SPMIP2: variants seen among roughly 807,000 people sequenced by gnomAD.
The protein encoded by SPMIP2 is protein SPMIP2.
At chr4:159,073,081 T>A in the SPMIP2 span, among the ~76,000 whole-genome samples, 1 of 152,238 alleles carries the variant, frequency 6.6e-6, no homozygotes, top group Non-Finnish European at 1.5e-5. Context: ...TGTGCTTTTT[T>A]GAATCCACAC....
the SPMIP2 span, among the ~76,000 whole-genome samples, chr4:159,063,297 G>C: frequency 6.6e-6 from 1 of 152,118 alleles, no homozygotes; most frequent in Non-Finnish European, 1.5e-5. Flanking sequence ...GGTGGCTCAC[G>C]CCTGTAATCC....
the SPMIP2 span, among the ~76,000 whole-genome samples, chr4:158,939,090 A>G: frequency 6.6e-6 from 1 of 152,288 alleles, no homozygotes; most frequent in South Asian, 2.1e-4. Context: ...TAATTTATAC[A>G]TCAGAGGGCA....
At chr4:158,984,726 G>A in the SPMIP2 span, among the ~76,000 whole-genome samples, 2 of 152,028 alleles carry the variant, frequency 1.3e-5, no homozygotes, top group Non-Finnish European at 2.9e-5. Flanking sequence ...AAAAGAACTA[G>A]AAAAGAAAGA....
At chr4:158,966,509 A>G in the SPMIP2 span, among the ~76,000 whole-genome samples, 3 of 152,242 alleles carry the variant, frequency 2.0e-5, no homozygotes, top group South Asian at 6.2e-4. Context: ...CTATGGAGTC[A>G]TACTACACTT....
At chr4:158,983,091 C>T in the SPMIP2 span, among the ~76,000 whole-genome samples, 11 of 151,854 alleles carry the variant, frequency 7.2e-5, no homozygotes, top group South Asian at 6.3e-4. Flanking sequence ...TGAAATGAAG[C>T]GAGAAGGGAA....
chr4:158,895,433 G>T, the SPMIP2 span, among the ~76,000 whole-genome samples: 1 of 152,194 alleles, frequency 6.6e-6, no homozygotes, highest in East Asian at 1.9e-4. Flanking sequence ...ATATGGGAAA[G>T]GATTATTATA....
the SPMIP2 span, among the ~76,000 whole-genome samples, chr4:158,896,777 G>GT: frequency 0.075 from 9,903 of 132,008 alleles, 690 homozygotes; most frequent in African/African-American, 0.2. Flanking sequence ...TCTCTTTGTC[G>GT]TTTTTTTTTT....
chr4:158,899,207 C>T, the SPMIP2 span, among the ~76,000 whole-genome samples: 121 of 152,216 alleles, frequency 7.9e-4, 1 homozygote, highest in African/African-American at 2.7e-3. Context: ...CCAGCTGGAT[C>T]GTGGTGGATA....
the SPMIP2 span, among the ~76,000 whole-genome samples, chr4:158,948,016 T>C: frequency 6.6e-6 from 1 of 152,100 alleles, no homozygotes; most frequent in African/African-American, 2.4e-5. Flanking sequence ...AATGTTCTCT[T>C]CCCCCAAAGC....
chr4:158,934,052 A>G, the SPMIP2 span, among the ~76,000 whole-genome samples: 2 of 152,322 alleles, frequency 1.3e-5, no homozygotes, highest in African/African-American at 4.8e-5. Context: ...ATTTCTTATA[A>G]TAGGTATTAT....
At chr4:158,977,804 C>T in the SPMIP2 span, among the ~76,000 whole-genome samples, 114 of 151,856 alleles carry the variant, frequency 7.5e-4, no homozygotes, top group African/African-American at 2.3e-3. Context: ...TTAGTAGAGA[C>T]GGGGTTTCAC....
At chr4:159,037,785 TACACAC>T in the SPMIP2 span, among the ~76,000 whole-genome samples, 661 of 118,952 alleles carry the variant, frequency 5.6e-3, 2 homozygotes, top group Non-Finnish European at 6.4e-3. Context: ...AAACAATATA[TACACAC>T]ACACACACAC....
At chr4:159,024,777 T>A in the SPMIP2 span, among the ~76,000 whole-genome samples, 16 of 152,266 alleles carry the variant, frequency 1.1e-4, no homozygotes, top group Non-Finnish European at 2.1e-4. Context: ...TTAGATCAGG[T>A]TTACAAGAAA....
At chr4:159,007,731 G>A in the SPMIP2 span, 13 of 659,590 alleles carry the variant, frequency 2.0e-5, no homozygotes, top group Admixed American at 9.3e-5. Context: ...CAGGGCCATG[G>A]TGCTGGACTT....
At chr4:158,915,901 G>T in the SPMIP2 span, among the ~76,000 whole-genome samples, 1 of 152,310 alleles carries the variant, frequency 6.6e-6, no homozygotes, top group Admixed American at 6.5e-5. Flanking sequence ...CATTATAAAA[G>T]GCTGACTCTG....
chr4:158,983,530 C>T, the SPMIP2 span, among the ~76,000 whole-genome samples: 1 of 142,228 alleles, frequency 7.0e-6, no homozygotes, highest in Non-Finnish European at 1.5e-5. Context: ...GAATTTTCAA[C>T]CCAGAATTTC....
chr4:159,070,571 A>T, the SPMIP2 span, among the ~76,000 whole-genome samples: 1 of 152,210 alleles, frequency 6.6e-6, no homozygotes, highest in African/African-American at 2.4e-5. Context: ...TATGGTTTGG[A>T]AGAGCCTTAA....
At chr4:159,079,934 C>T in the SPMIP2 span, among the ~76,000 whole-genome samples, 2 of 152,008 alleles carry the variant, frequency 1.3e-5, no homozygotes, top group Non-Finnish European at 2.9e-5. Context: ...ATTTATGTTA[C>T]CTATGAAGCA....
the SPMIP2 span, among the ~76,000 whole-genome samples, chr4:159,012,460 A>G: frequency 4.6e-5 from 7 of 152,350 alleles, no homozygotes; most frequent in East Asian, 1.2e-3. Context: ...CAGCACCCAG[A>G]GAGGAAAGAT....
Sources: allele counts gnomAD v4.1 joint callset (sites outside exome capture counted in the v4.1 genomes callset), GRCh38; gene constraint gnomAD v4.1.1; transcripts MANE v1.5; gene names NCBI Gene and HGNC (gene_info 2026-07-23, HGNC 2026-07-21).